C18orf63: variants seen among roughly 807,000 people sequenced by gnomAD.
C18orf63 encodes the protein uncharacterized protein C18orf63.
A neutral mutation model predicts 75.3 loss-of-function variants in C18orf63; 50 were observed. That is an observed-to-expected ratio of 0.66 (90% CI 0.53 to 0.84). The LOEUF (loss-of-function observed/expected upper bound fraction) is 0.84, where lower values mean the gene tolerates loss of function less well. Among genes scored for constraint, C18orf63 ranks in the 40% least tolerant of loss-of-function variants. The probability of loss-of-function intolerance (pLI) is 0.00; values close to 1 mark genes in which losing one functional copy is unlikely to be tolerated. For synonymous variants in C18orf63, 232 were observed against 267.6 expected (o/e 0.87, Z 1.30); for missense variants, 732 against 800.2 (o/e 0.91, Z 1.03).
Position 74,353,873 on chromosome 18 carries a change from T to C in C18orf63, c.1606T>C (p.Leu536=). The C allele has an allele frequency of 6.5e-7, 1 of 1,535,960 alleles. No individual in the cohort carries two copies. Among genetic ancestry groups the C allele is most frequent in the Non-Finnish European group, 8.7e-7 (1 of 1,146,876 alleles). ...PSSRGKSTVS[L]NKNKQLSNSA... is the part of the protein sequence containing the mutation. ...TTCTCGTGGAAAATCGACTGTGAGT[T>C]TAAACAAAAATAAGCAACTATCTAA... The change falls in exon 12 of 14, where the codon TTA becomes CTA. Residue 536 remains leucine, a synonymous_variant. Transcript: ENST00000579455.
chr18:74,349,044 A>G (rs572922417), intron 11 of C18orf63, among the ~76,000 whole-genome samples: 128 of 152,376 alleles, frequency 8.4e-4, no homozygotes, highest in Non-Finnish European at 1.2e-3. Flanking sequence ...ATGTTCGAAT[A>G]CAAATAACTT....
intron 10 of C18orf63, among the ~76,000 whole-genome samples, chr18:74,342,591 TAGAA>T (rs1226369219): frequency 6.6e-6 from 1 of 152,162 alleles, no homozygotes; most frequent in Non-Finnish European, 1.5e-5. Context: ...AATGTGTACT[TAGAA>T]AGTAAGAAAG....
At chr18:74,335,902 A>G (rs1479617607) in intron 7 of C18orf63, among the ~76,000 whole-genome samples, 1 of 152,102 alleles carries the variant, frequency 6.6e-6, no homozygotes, top group Non-Finnish European at 1.5e-5. Context: ...GAATCACATT[A>G]AAATTCTCAG....
rs564637588 is a variant in C18orf63, at chr18:74,327,239, A to C, written c.271-708A>C. Among the ~76,000 whole-genome samples the C allele has an allele frequency of 6.6e-5, 10 of 152,334 alleles. No homozygotes were observed. In the South Asian group the frequency reaches 2.1e-3, roughly 32 times the overall value. On this transcript the variant is annotated intron_variant, in intron 4 of 13. Coordinates refer to ENST00000579455, the MANE Select transcript of C18orf63 (RefSeq NM_001174123.2). ...AAACCTTTATGATTTAGCAGGAGAC[A>C]AGATAAGGGTAGTCACCTCAGCACC...
rs1255227311 is a variant in C18orf63 at position 74,356,664 on chromosome 18, C to T, written c.*217C>T. ...ATTTAACTAGTCCCCTATTGATAGACACTTCAGTTCTTCCCAACTTTTCAC... is the reference window on the plus strand; with the variant it reads ...ATTTAACTAGTCCCCTATTGATAGATACTTCAGTTCTTCCCAACTTTTCAC... On this transcript the variant is annotated 3_prime_UTR_variant, in exon 14 of 14. Coordinates refer to ENST00000579455, the MANE Select transcript of C18orf63 (RefSeq NM_001174123.2). 2 of 151,384 alleles carry T rather than the reference C, an allele frequency of 1.3e-5. No homozygotes were observed. Among genetic ancestry groups the T allele is most frequent in the African/African-American group, 2.4e-5 (1 of 41,190 alleles). The allele number at this position is 151,384 out of a possible 1,614,324, so 9.4% of individuals were successfully genotyped here.
Position 74,317,570 on chromosome 18 carries a change from TA to T in C18orf63, c.-32-258del, listed in dbSNP as rs1394016369. On this transcript the variant is annotated intron_variant, in intron 1 of 13. Coordinates refer to ENST00000579455, the MANE Select transcript of C18orf63 (RefSeq NM_001174123.2). ...GATGGTTGCACAACTCTGAATACAGTAAAAAACAGTGAATTGTACACATTAA... is the reference window on the plus strand; with the variant it reads ...GATGGTTGCACAACTCTGAATACAGTAAAAACAGTGAATTGTACACATTAA... 3.3e-5 allele frequency among the ~76,000 whole-genome samples: 5 copies of T among 152,186 alleles called. No homozygotes were observed. The East Asian group carries it at 5.8e-4, about 18-fold the overall frequency.
chr18:74,348,380 T>C (rs1034294985), intron 11 of C18orf63, among the ~76,000 whole-genome samples: 3 of 77,548 alleles, frequency 3.9e-5, no homozygotes, highest in Non-Finnish European at 1.0e-4. Flanking sequence ...CTGATTCAAC[T>C]TGAAGCAAGC....
chr18:74,358,625 T>C lies in C18orf63; in HGVS notation c.*2178T>C, dbSNP rs1040906768. ...TATGGACCATCCTCCCCCCAGAAATTATTCTTATATTCCAATTGTGCATTA... is the reference window on the plus strand; with the variant it reads ...TATGGACCATCCTCCCCCCAGAAATCATTCTTATATTCCAATTGTGCATTA... On this transcript the variant is annotated 3_prime_UTR_variant, in exon 14 of 14. Transcript: ENST00000579455. 9 of 152,146 alleles carry C rather than the reference T, an allele frequency of 5.9e-5. No homozygotes were observed. The highest frequency in any genetic ancestry group is 1.9e-4 in the African/African-American group (8 of 41,452). 9.4% of individuals were successfully genotyped at this position (152,146 alleles called of 1,614,324 possible). A position where few individuals can be genotyped will look rare whatever the true frequency, so the allele number is the denominator to read the frequency against.
At chr18:74,347,684 T>C (rs1184600538) in intron 11 of C18orf63, among the ~76,000 whole-genome samples, 1 of 152,196 alleles carries the variant, frequency 6.6e-6, no homozygotes, top group East Asian at 1.9e-4. Context: ...AACTCTAAGA[T>C]TCATGCAGTG....
chr18:74,335,721 T>C (rs1984380796), intron 7 of C18orf63, among the ~76,000 whole-genome samples: 1 of 152,150 alleles, frequency 6.6e-6, no homozygotes, highest in South Asian at 2.1e-4. Context: ...ATTTACTGGG[T>C]ACTACTATGT....
At position 74,353,866 on chromosome 18, in the gene C18orf63, T is replaced by A; in HGVS notation, c.1599T>A (p.Thr533=). 1 of 1,536,072 alleles carries A rather than the reference T, an allele frequency of 6.5e-7. No individual in the cohort carries two copies. Among genetic ancestry groups the A allele is most frequent in the Non-Finnish European group, 8.7e-7 (1 of 1,146,886 alleles). Residue 533 remains threonine, a synonymous_variant, in exon 12 of 14, where the codon ACT becomes ACA. Transcript: ENST00000579455. ...TKFPSSRGKS[T]VSLNKNKQLS... ...TTCCCTCTTCTCGTGGAAAATCGAC[T>A]GTGAGTTTAAACAAAAATAAGCAAC... is the stretch of plus-strand genomic sequence containing the variant.
In C18orf63 at chr18:74,354,126, T is replaced by C. The variant is rs1398622813; in HGVS notation, c.1859T>C (p.Val620Ala). ...QQQSENQAKEVGTSDHRLIVS... is the reference protein window; with the variant it reads ...QQQSENQAKEAGTSDHRLIVS... ...CAATCAGAAAATCAAGCTAAAGAAG[T>C]TGGTACAAGTGACCACAGGTTGATA... is the stretch of plus-strand genomic sequence containing the variant. Residue 620 changes from valine to alanine, a missense_variant, in exon 12 of 14, where the codon GTT (valine) becomes GCT (alanine). Around this residue, in one of 3 missense-constraint regions of C18orf63, gnomAD observed 495 missense variants for 508.7 expected, o/e 0.97. Coordinates refer to ENST00000579455, the MANE Select transcript of C18orf63 (RefSeq NM_001174123.2). The C allele has an allele frequency of 6.5e-7, 1 of 1,536,222 alleles. No individual in the cohort carries two copies. The highest frequency in any genetic ancestry group is 1.4e-5 in the African/African-American group (1 of 73,120).
At chr18:74,344,714 A>C (rs1343208314) in intron 11 of C18orf63, among the ~76,000 whole-genome samples, 2 of 152,102 alleles carry the variant, frequency 1.3e-5, no homozygotes, top group Admixed American at 6.6e-5. Flanking sequence ...GCTCAGCATC[A>C]TGTTTGTGAC....
At chr18:74,317,558 C>G (rs1231538559) in intron 1 of C18orf63, among the ~76,000 whole-genome samples, 1 of 152,132 alleles carries the variant, frequency 6.6e-6, no homozygotes, top group African/African-American at 2.4e-5. Context: ...GGTTGCACAA[C>G]TCTGAATACA....
intron 11 of C18orf63, among the ~76,000 whole-genome samples, chr18:74,352,108 C>G (rs1984676090): frequency 6.6e-6 from 1 of 151,584 alleles, no homozygotes; most frequent in South Asian, 2.1e-4. Context: ...ATAAATGAAC[C>G]CTGAAAACAT....
At position 74,329,036 on chromosome 18, in the gene C18orf63, GGT is replaced by G; in HGVS notation, c.424+1_424+2del. ...TCAGATGGGAAAACAAAGTGCTGTT[GGT>G]AAGTAAAAATGCATAAGTCAATAGA... On this transcript the variant is annotated splice_donor_variant, in intron 6 of 13. Coordinates refer to ENST00000579455, the MANE Select transcript of C18orf63 (RefSeq NM_001174123.2). LOFTEE classifies it high-confidence loss of function. The G allele has an allele frequency of 6.7e-7, 1 of 1,497,400 alleles. No individual in the cohort carries two copies. Among genetic ancestry groups the G allele is most frequent in the South Asian group, 1.2e-5 (1 of 83,036 alleles). The allele number at this position is 1,497,400 out of a possible 1,614,324, so 92.8% of individuals were successfully genotyped here.
chr18:74,347,869 A>G (rs538615036), intron 11 of C18orf63, among the ~76,000 whole-genome samples: 6 of 152,184 alleles, frequency 3.9e-5, no homozygotes, highest in Non-Finnish European at 7.3e-5. Flanking sequence ...CTTCTCATCT[A>G]GTTTCCCCTT....
At chr18:74,328,204 C>A in intron 5 of C18orf63, 146 bp downstream of exon 5, 1 of 582,700 alleles carries the variant, frequency 1.7e-6, no homozygotes, top group South Asian at 2.3e-5. Flanking sequence ...CACAGTTCCA[C>A]ATGGCTGGAG....
chr18:74,346,592 G>A (rs184078240), intron 11 of C18orf63, among the ~76,000 whole-genome samples: 34 of 152,260 alleles, frequency 2.2e-4, no homozygotes, highest in Admixed American at 2.1e-3. Flanking sequence ...TAAAGTTGCA[G>A]GCCAAATATG....
Sources: allele counts gnomAD v4.1 joint callset (sites outside exome capture counted in the v4.1 genomes callset), GRCh38; gene constraint gnomAD v4.1.1; regional missense constraint gnomAD v4.1.1; transcripts MANE v1.5; gene names NCBI Gene and HGNC (gene_info 2026-07-23, HGNC 2026-07-21).